The following PAK5 variants were observed in gnomAD, a reference collection of about 807,000 sequenced individuals.
The protein encoded by PAK5 is p21 (RAC1) activated kinase 5.
A neutral mutation model predicts 65.9 loss-of-function variants in PAK5; 16 were observed. The ratio of observed to expected loss-of-function variants is 0.24; its 90% confidence interval spans 0.16 to 0.37. The LOEUF (loss-of-function observed/expected upper bound fraction) is 0.37, where lower values mean the gene tolerates loss of function less well. Ranked by LOEUF, PAK5 falls within the 10% of genes least tolerant of loss-of-function variation. The probability of loss-of-function intolerance (pLI) is 1.00; values close to 1 mark genes in which losing one functional copy is unlikely to be tolerated. For missense variants in PAK5, 785 were observed against 903.9 expected (o/e 0.87, Z 1.69); for synonymous variants, 371 against 354.9 (o/e 1.05, Z -0.51).
intron 2 of PAK5, among the ~76,000 whole-genome samples, chr20:9,662,681 C>T (rs2047362460): frequency 6.6e-6 from 1 of 152,180 alleles, no homozygotes; most frequent in East Asian, 1.9e-4. Context: ...CACTGGACTT[C>T]ATGCAAGCAA....
At chr20:9,733,230 T>G (rs7274475) in intron 1 of PAK5, among the ~76,000 whole-genome samples, 42,826 of 152,122 alleles carry the variant, frequency 0.28, 6,293 homozygotes, top group South Asian at 0.45. Flanking sequence ...CTGGGATAAA[T>G]TCTTTGAAGG....
At chr20:9,614,476 G>T (rs219853) in intron 3 of PAK5, among the ~76,000 whole-genome samples, 58,070 of 152,044 alleles carry the variant, frequency 0.38, 12,666 homozygotes, top group South Asian at 0.64. Context: ...GATCCAGGAA[G>T]CTCAGAGAAC....
chr20:9,599,293 T>G (rs191629775), intron 3 of PAK5, among the ~76,000 whole-genome samples: 19 of 152,370 alleles, frequency 1.2e-4, no homozygotes, highest in African/African-American at 3.4e-4. Context: ...ACCTTTTGGC[T>G]GTCGTGAATA....
chr20:9,773,463 T>G (rs2048855944), intron 1 of PAK5, among the ~76,000 whole-genome samples: 1 of 152,108 alleles, frequency 6.6e-6, no homozygotes, highest in Non-Finnish European at 1.5e-5. Flanking sequence ...TGTTCAATTC[T>G]TAGACAGTGC....
intron 1 of PAK5, among the ~76,000 whole-genome samples, chr20:9,825,900 T>C (rs1277392581): frequency 6.6e-6 from 1 of 152,156 alleles, no homozygotes; most frequent in Non-Finnish European, 1.5e-5. Context: ...TATAGAGCAA[T>C]TCAAAGGTTA....
intron 3 of PAK5, among the ~76,000 whole-genome samples, chr20:9,586,212 C>T (rs2046066879): frequency 6.6e-6 from 1 of 152,050 alleles, no homozygotes. Context: ...GGGGGGTAGA[C>T]TGTTAGTGTT....
chr20:9,785,086 G>T (rs1054038740), intron 1 of PAK5, among the ~76,000 whole-genome samples: 1 of 151,362 alleles, frequency 6.6e-6, no homozygotes, highest in Admixed American at 6.6e-5. Context: ...GTTTTAACTT[G>T]TATCAAGTTA....
At chr20:9,766,114 C>G (rs1341770395) in intron 1 of PAK5, among the ~76,000 whole-genome samples, 2 of 151,284 alleles carry the variant, frequency 1.3e-5, no homozygotes, top group African/African-American at 4.9e-5. Flanking sequence ...CCCAGCTACT[C>G]GGGAGGCTGG....
intron 6 of PAK5, among the ~76,000 whole-genome samples, chr20:9,559,636 G>A (rs1279241505): frequency 2.0e-5 from 3 of 152,060 alleles, no homozygotes; most frequent in Non-Finnish European, 2.9e-5. Context: ...GGTGGCCGGC[G>A]CTCGTAATTC....
intron 3 of PAK5, among the ~76,000 whole-genome samples, chr20:9,593,068 G>A (rs1156570781): frequency 6.6e-6 from 1 of 152,108 alleles, no homozygotes; most frequent in East Asian, 1.9e-4. Context: ...GTGTGGCTGA[G>A]GTAGGAGGAC....
intron 2 of PAK5, among the ~76,000 whole-genome samples, chr20:9,674,801 C>CTTA (rs1446380010): frequency 6.6e-6 from 1 of 152,218 alleles, no homozygotes; most frequent in East Asian, 1.9e-4. Context: ...AACTCTGGAG[C>CTTA]ATAAGCTGCC....
chr20:9,728,015 A>G (rs2048295177), intron 1 of PAK5, among the ~76,000 whole-genome samples: 1 of 151,254 alleles, frequency 6.6e-6, no homozygotes, highest in Non-Finnish European at 1.5e-5. Flanking sequence ...CTATAGTTTG[A>G]GTGTATGTGT....
chr20:9,717,084 C>CAAAAAAAAAAAAA (rs58508007), intron 1 of PAK5, among the ~76,000 whole-genome samples: 2 of 122,472 alleles, frequency 1.6e-5, no homozygotes, highest in African/African-American at 6.0e-5. Context: ...GAACTTATCT[C>CAAAAAAAAAAAAA]AAAAAAAAAA....
rs118164620 is a variant in PAK5 at position 9,809,981 on chromosome 20, T to C, written c.-162+28781A>G. 5.6e-3 allele frequency among the ~76,000 whole-genome samples: 852 copies of C among 152,274 alleles called. 4 individuals are homozygous for C. The highest frequency in any genetic ancestry group is 8.3e-3 in the Non-Finnish European group (565 of 68,026). On this transcript the variant is annotated intron_variant, in intron 1 of 9. Coordinates refer to ENST00000353224, the MANE Select transcript of PAK5 (RefSeq NM_177990.4). ...GTAAGCATTTTCCTAACGCCGAAGC[T>C]CTCCCTTCCAATGCTAAAATTACAT...
chr20:9,787,670 T>C (rs1379421745), intron 1 of PAK5, among the ~76,000 whole-genome samples: 1 of 151,352 alleles, frequency 6.6e-6, no homozygotes, highest in Admixed American at 6.6e-5. Context: ...TGTATACATT[T>C]ACAGTGGTGT....
At chr20:9,638,050 C>T (rs1239625434) in intron 3 of PAK5, among the ~76,000 whole-genome samples, 1 of 152,134 alleles carries the variant, frequency 6.6e-6, no homozygotes, top group African/African-American at 2.4e-5. Context: ...CAGGCTCACT[C>T]CAGACCTACT....
At chr20:9,704,806 C>A (rs1472531983) in intron 2 of PAK5, among the ~76,000 whole-genome samples, 2 of 152,108 alleles carry the variant, frequency 1.3e-5, no homozygotes, top group Non-Finnish European at 2.9e-5. Flanking sequence ...GAAATACAGC[C>A]AGTGGTCCAG....
intron 2 of PAK5, among the ~76,000 whole-genome samples, chr20:9,647,450 A>G (rs528646051): frequency 6.6e-5 from 10 of 152,356 alleles, no homozygotes; most frequent in African/African-American, 2.4e-4. Flanking sequence ...TTTGGCCTGT[A>G]TTCATACCTG....
chr20:9,790,030 T>C (rs1164527682), intron 1 of PAK5, among the ~76,000 whole-genome samples: 1 of 152,104 alleles, frequency 6.6e-6, no homozygotes, highest in Admixed American at 6.6e-5. Context: ...TGGCAGAATT[T>C]AGTTTAAGGA....
Sources: gnomAD v4.1 joint callset for allele counts (sites outside exome capture counted in the v4.1 genomes callset) on GRCh38, gnomAD v4.1.1 for gene constraint, MANE v1.5 for transcripts, NCBI Gene and HGNC (gene_info 2026-07-23, HGNC 2026-07-21) for gene names.